TSEN2: variants seen among roughly 807,000 people sequenced by gnomAD.
TSEN2 encodes the protein tRNA splicing endonuclease subunit 2.
TSEN2 carries 54 observed loss-of-function variants against 59.2 expected under a neutral mutation model. The ratio of observed to expected loss-of-function variants is 0.91; its 90% CI spans 0.73 to 1.14. TSEN2 has a LOEUF of 1.14. Among genes scored for constraint, TSEN2 ranks in the 50% most tolerant of loss-of-function variants. TSEN2 has a pLI of 0.00. For missense variants in TSEN2, 636 were observed against 576.2 expected, an observed-to-expected ratio of 1.10 and a Z score of -1.06; for synonymous variants, 195 against 198.2, an observed-to-expected ratio of 0.98 and a Z score of 0.14.
In TSEN2 at chr3:12,503,367, TCCTCCTGTGAAAAGGAA is replaced by T; in HGVS notation, c.415_431del (p.Pro139Ter). On this transcript the variant is annotated frameshift_variant, in exon 5 of 12. Transcript: ENST00000284995. LOFTEE classifies it high-confidence loss of function. ...AGGATTACACGAAACCGCTTGAGCATCCTCCTGTGAAAAGGAATGAAGAGGCTCAAGTGCATGACAAG... is the reference window on the plus strand; with the variant it reads ...AGGATTACACGAAACCGCTTGAGCATTGAAGAGGCTCAAGTGCATGACAAG... 1 of 1,614,206 alleles carries T rather than the reference TCCTCCTGTGAAAAGGAA, an allele frequency of 6.2e-7. No individual in the cohort carries two copies. The highest frequency in any genetic ancestry group is 8.5e-7 in the Non-Finnish European group (1 of 1,180,040).
intron 1 of TSEN2, among the ~76,000 whole-genome samples, chr3:12,488,996 G>A (rs898826835): frequency 1.3e-5 from 2 of 152,202 alleles, no homozygotes; most frequent in East Asian, 1.9e-4. Flanking sequence ...AATGGTACAC[G>A]CTATGTGCCA....
At chr3:12,506,574 G>A in intron 6 of TSEN2, 2 of 449,194 alleles carry the variant, frequency 4.5e-6, no homozygotes, top group Non-Finnish European at 5.7e-6. Context: ...GCGAGATCCT[G>A]TTTCAAAAAA....
chr3:12,497,212 CT>C (rs570957776), intron 4 of TSEN2, among the ~76,000 whole-genome samples: 45 of 152,214 alleles, frequency 3.0e-4, no homozygotes, highest in Non-Finnish European at 5.3e-4. Flanking sequence ...CCCTTCTCCT[CT>C]CTGCAGTGCC....
At chr3:12,502,598 T>G (rs577038916) in intron 4 of TSEN2, among the ~76,000 whole-genome samples, 161 of 152,002 alleles carry the variant, frequency 1.1e-3, no homozygotes, top group African/African-American at 2.8e-3. Context: ...TTCTTGTTTA[T>G]TTACCTAAAT....
upstream of TSEN2, among the ~76,000 whole-genome samples, chr3:12,480,528 G>GGTTTTTTTTTTTTTTT (rs1553565213): frequency 1.3e-3 from 120 of 91,740 alleles, 1 homozygote; most frequent in South Asian, 0.01. Context: ...TTGTTTCTTT[G>GGTTTTTTTTTTTTTTT]TTTTTTTTTT....
chr3:12,510,215 G>A (rs1001238871), intron 6 of TSEN2, among the ~76,000 whole-genome samples: 1 of 152,128 alleles, frequency 6.6e-6, no homozygotes, highest in Non-Finnish European at 1.5e-5. Context: ...CCCTTGGGTC[G>A]GAGTCCCATC....
chr3:12,507,229 C>T (rs571283249), intron 6 of TSEN2, among the ~76,000 whole-genome samples: 1 of 152,190 alleles, frequency 6.6e-6, no homozygotes, highest in South Asian at 2.1e-4. Context: ...ATTCAAAATT[C>T]CTTTTCTCGG....
chr3:12,487,014 C>G (rs1225068282), intron 1 of TSEN2, among the ~76,000 whole-genome samples: 1 of 152,164 alleles, frequency 6.6e-6, no homozygotes, highest in African/African-American at 2.4e-5. Context: ...ACAAATTTTT[C>G]CATGAACATA....
chr3:12,518,704 CTTTTT>C (rs11360113), intron 7 of TSEN2, among the ~76,000 whole-genome samples: 3 of 145,484 alleles, frequency 2.1e-5, no homozygotes, highest in African/African-American at 2.5e-5. Context: ...TATATTCTCT[CTTTTT>C]TTTTTTTTTC....
intron 6 of TSEN2, among the ~76,000 whole-genome samples, chr3:12,515,945 G>A (rs560115246): frequency 6.6e-6 from 1 of 151,872 alleles, no homozygotes; most frequent in South Asian, 2.1e-4. Context: ...ACTCCAATGA[G>A]CAACAGTTTC....
At chr3:12,481,262 T>TG (rs377305828), upstream of TSEN2, among the ~76,000 whole-genome samples, 1 of 152,378 alleles carries the variant, frequency 6.6e-6, no homozygotes, top group African/African-American at 2.4e-5. Flanking sequence ...TCCCTACTCT[T>TG]GGATTCTGTA....
chr3:12,508,870 T>C (rs778517048), intron 6 of TSEN2, among the ~76,000 whole-genome samples: 5 of 152,224 alleles, frequency 3.3e-5, no homozygotes, highest in Admixed American at 6.5e-5. Flanking sequence ...TTTATTCTTA[T>C]ATTTTTTAGA....
chr3:12,533,848 C>G (rs2057604122), downstream of TSEN2, among the ~76,000 whole-genome samples: 2 of 151,708 alleles, frequency 1.3e-5, no homozygotes, highest in Admixed American at 1.3e-4. Flanking sequence ...ATTTGGATAG[C>G]CAATATGGGG....
chr3:12,493,630 G>A (rs1185391677), intron 3 of TSEN2, among the ~76,000 whole-genome samples: 1 of 152,202 alleles, frequency 6.6e-6, no homozygotes, highest in East Asian at 1.9e-4. Flanking sequence ...AGGAGGCTGA[G>A]GCAGGAGAAT....
chr3:12,513,855 A>G (rs2055763632), intron 6 of TSEN2, among the ~76,000 whole-genome samples: 1 of 152,256 alleles, frequency 6.6e-6, no homozygotes, highest in Admixed American at 6.5e-5. Context: ...ACAGCTGTGA[A>G]AGAAATGGAA....
At chr3:12,510,061 G>A (rs1432330338) in intron 6 of TSEN2, among the ~76,000 whole-genome samples, 1 of 152,206 alleles carries the variant, frequency 6.6e-6, no homozygotes, top group Non-Finnish European at 1.5e-5. Flanking sequence ...TAAGATTGTT[G>A]TATGACTTTC....
At chr3:12,512,740 C>T (rs182153970) in intron 6 of TSEN2, among the ~76,000 whole-genome samples, 2 of 152,324 alleles carry the variant, frequency 1.3e-5, no homozygotes, top group Admixed American at 1.3e-4. Flanking sequence ...CATTTTAACC[C>T]ATACTTTTTG....
intron 3 of TSEN2, among the ~76,000 whole-genome samples, chr3:12,493,458 G>T (rs1213605085): frequency 6.6e-6 from 1 of 152,226 alleles, no homozygotes; most frequent in African/African-American, 2.4e-5. Context: ...GCCAGGCGCG[G>T]TAGCTCACGC....
intron 4 of TSEN2, among the ~76,000 whole-genome samples, chr3:12,497,328 C>A (rs2053853663): frequency 6.6e-6 from 1 of 152,242 alleles, no homozygotes; most frequent in African/African-American, 2.4e-5. Context: ...TATAAAACTT[C>A]TCAGGTCCCC....
Sources: gnomAD v4.1 joint callset for allele counts (sites outside exome capture counted in the v4.1 genomes callset) on GRCh38, gnomAD v4.1.1 for gene constraint, MANE v1.5 for transcripts, NCBI Gene and HGNC (gene_info 2026-07-23, HGNC 2026-07-21) for gene names.